Variants in GPC6 observed in about 807,000 individuals in gnomAD.
GPC6 encodes glypican-6.
In GPC6, 14 loss-of-function variants were observed where a neutral mutation model predicts 55.2. That is an observed-to-expected ratio of 0.25 (90% CI 0.17 to 0.40). The LOEUF is 0.40. GPC6 is among the 10% of genes least tolerant of loss of function. The probability of loss-of-function intolerance (pLI) is 1.00; values close to 1 mark genes in which losing one functional copy is unlikely to be tolerated. For missense variants in GPC6, 641 were observed against 708.5 expected (o/e 0.90, Z 1.08); for synonymous variants, 278 against 259.6 (o/e 1.07, Z -0.68).
intron 4 of GPC6, among the ~76,000 whole-genome samples, chr13:94,284,025 G>A (rs1050987980): frequency 6.6e-6 from 1 of 152,182 alleles, no homozygotes; most frequent in Non-Finnish European, 1.5e-5. Flanking sequence ...GAGGTGTCAT[G>A]TCCTAAGGCA....
intron 4 of GPC6, among the ~76,000 whole-genome samples, chr13:94,231,472 A>G (rs4773782): frequency 0.29 from 44,715 of 152,036 alleles, 7,297 homozygotes; most frequent in Non-Finnish European, 0.37. Flanking sequence ...ATAAATTTTT[A>G]TTTTCTGATT....
chr13:94,011,705 A>G (rs1398305441), intron 3 of GPC6, among the ~76,000 whole-genome samples: 1 of 152,180 alleles, frequency 6.6e-6, no homozygotes, highest in Non-Finnish European at 1.5e-5. Flanking sequence ...CATTTGCAGC[A>G]GTGGGAATTC....
rs934763284 is a variant in GPC6 at position 94,361,795 on chromosome 13, G to A, written c.1153-20619G>A. Among the ~76,000 whole-genome samples the A allele has an allele frequency of 3.9e-5, 6 of 152,210 alleles. No homozygotes were observed. The South Asian group carries it at 6.2e-4, about 16-fold the overall frequency. Reference sequence around the variant, plus strand: ...ATTGTTGTTTGGAACAGATTAAAGGGTGCAAAAAATGTTAGCAAAATCACT... The same window carrying A: ...ATTGTTGTTTGGAACAGATTAAAGGATGCAAAAAATGTTAGCAAAATCACT... On this transcript the variant is annotated intron_variant, in intron 6 of 8. Transcript: ENST00000377047.
chr13:93,701,413 G>C (rs1486588499), intron 2 of GPC6, among the ~76,000 whole-genome samples: 1 of 151,968 alleles, frequency 6.6e-6, no homozygotes, highest in Non-Finnish European at 1.5e-5. Context: ...AAATGCTAAT[G>C]ATCATCTGAG....
At chr13:93,439,000 T>C (rs912398599) in intron 1 of GPC6, among the ~76,000 whole-genome samples, 3 of 152,162 alleles carry the variant, frequency 2.0e-5, no homozygotes, top group Non-Finnish European at 4.4e-5. Flanking sequence ...AGCAAAAAGA[T>C]TAATGACTCA....
chr13:93,469,120 G>A lies in GPC6; in HGVS notation c.161-76143G>A, dbSNP rs976658794. Among the ~76,000 whole-genome samples the A allele has an allele frequency of 9.2e-5, 14 of 152,216 alleles. No homozygotes were observed. The South Asian group carries it at 2.9e-3, about 32-fold the overall frequency. On this transcript the variant is annotated intron_variant, in intron 1 of 8. Coordinates refer to ENST00000377047, the MANE Select transcript of GPC6 (RefSeq NM_005708.5). Reference sequence around the variant, plus strand: ...AAGACCTTAACAAAAATATCATAATGAAGCTGAATATTATGTATTTTTAGC... The same window carrying A: ...AAGACCTTAACAAAAATATCATAATAAAGCTGAATATTATGTATTTTTAGC...
intron 2 of GPC6, among the ~76,000 whole-genome samples, chr13:93,668,860 A>T (rs920283764): frequency 6.6e-6 from 1 of 152,218 alleles, no homozygotes; most frequent in African/African-American, 2.4e-5. Context: ...CAGCTAGTAA[A>T]ACGTAGGCTG....
intron 1 of GPC6, among the ~76,000 whole-genome samples, chr13:93,417,028 G>A (rs991800468): frequency 6.6e-6 from 1 of 152,122 alleles, no homozygotes; most frequent in African/African-American, 2.4e-5. Context: ...CTGGTGAGAA[G>A]CAATAATGTG....
At chr13:93,492,428 C>A (rs1215439857) in intron 1 of GPC6, among the ~76,000 whole-genome samples, 2 of 149,708 alleles carry the variant, frequency 1.3e-5, no homozygotes, top group Non-Finnish European at 3.0e-5. Flanking sequence ...TGGGCTGAGA[C>A]GATGGGGTTT....
At chr13:94,189,102 T>C (rs565896701) in intron 4 of GPC6, among the ~76,000 whole-genome samples, 1 of 152,294 alleles carries the variant, frequency 6.6e-6, no homozygotes, top group South Asian at 2.1e-4. Context: ...TCAAGAGACA[T>C]TATCCCTGAA....
At chr13:93,241,538 C>T (rs1472108423) in intron 1 of GPC6, among the ~76,000 whole-genome samples, 1 of 151,988 alleles carries the variant, frequency 6.6e-6, no homozygotes, top group African/African-American at 2.4e-5. Flanking sequence ...AATCTATCTC[C>T]TTGGAAAATT....
chr13:94,399,277 A>G (rs1195623173), intron 8 of GPC6, among the ~76,000 whole-genome samples: 1 of 152,204 alleles, frequency 6.6e-6, no homozygotes, highest in Non-Finnish European at 1.5e-5. Context: ...TATCTGAAAT[A>G]TTGAGAGAAA....
chr13:93,259,389 T>C (rs948176397), intron 1 of GPC6, among the ~76,000 whole-genome samples: 15 of 152,134 alleles, frequency 9.9e-5, no homozygotes, highest in Non-Finnish European at 1.6e-4. Context: ...GAAAGTTAAA[T>C]GGGAATATAA....
intron 2 of GPC6, among the ~76,000 whole-genome samples, chr13:93,575,272 T>C (rs758896333): frequency 3.9e-5 from 6 of 152,044 alleles, no homozygotes; most frequent in Non-Finnish European, 7.4e-5. Flanking sequence ...GCCTGGGGTA[T>C]AGAACGATAC....
At chr13:93,354,558 G>T (rs1335778837) in intron 1 of GPC6, among the ~76,000 whole-genome samples, 1 of 147,574 alleles carries the variant, frequency 6.8e-6, no homozygotes, top group Non-Finnish European at 1.5e-5. Context: ...TAGAGACTGG[G>T]TTTCACCTTG....
intron 4 of GPC6, among the ~76,000 whole-genome samples, chr13:94,259,527 C>T (rs771591368): frequency 4.6e-5 from 7 of 152,014 alleles, no homozygotes; most frequent in Admixed American, 6.6e-5. Context: ...AATATTTTAA[C>T]GATTTTTTGG....
intron 3 of GPC6, among the ~76,000 whole-genome samples, chr13:94,019,103 C>T (rs1882601716): frequency 6.6e-6 from 1 of 152,186 alleles, no homozygotes; most frequent in Non-Finnish European, 1.5e-5. Context: ...GTTACCTCAT[C>T]TTCTGTTTTT....
intron 4 of GPC6, among the ~76,000 whole-genome samples, chr13:94,106,596 C>T (rs1450654226): frequency 6.6e-6 from 1 of 151,728 alleles, no homozygotes; most frequent in East Asian, 1.9e-4. Context: ...ACGAGCAATG[C>T]ATATTATTTC....
chr13:94,194,838 A>T (rs1361102968), intron 4 of GPC6, among the ~76,000 whole-genome samples: 2 of 151,954 alleles, frequency 1.3e-5, no homozygotes, highest in Non-Finnish European at 2.9e-5. Flanking sequence ...CTCTATACAG[A>T]AGCATGTGTT....
Sources: allele counts gnomAD v4.1 joint callset (sites outside exome capture counted in the v4.1 genomes callset), GRCh38; gene constraint gnomAD v4.1.1; transcripts MANE v1.5; gene names NCBI Gene and HGNC (gene_info 2026-07-23, HGNC 2026-07-21).